The following ZNF567 variants were observed in gnomAD, a reference collection of about 807,000 sequenced individuals.
ZNF567 encodes zinc finger protein 567.
Under a neutral mutation model 53.9 loss-of-function variants are expected in ZNF567, and 36 were observed. The ratio of observed to expected loss-of-function variants is 0.67; its 90% CI spans 0.51 to 0.88. ZNF567 has a LOEUF of 0.88. ZNF567 is among the 40% of genes least tolerant of loss of function. ZNF567 has a pLI of 0.00. For synonymous variants in ZNF567, 224 were observed against 260.4 expected, an observed-to-expected ratio of 0.86 and a Z score of 1.35; for missense variants, 619 against 764.7, an observed-to-expected ratio of 0.81 and a Z score of 2.25.
chr19:36,719,332 C>T lies in ZNF567; in HGVS notation c.608C>T (p.Thr203Met), dbSNP rs370163168. The change falls in exon 6 of 6, where the codon ACG (threonine) becomes ATG (methionine). Residue 203 changes from threonine (T) to methionine (M), a missense_variant. Transcript: ENST00000682579. ...HNEVLMQYQK[T>M]ETPAQSFGYN... The stretch of plus-strand genomic sequence containing the variant: ...GAAGTTCTTATGCAGTATCAGAAAA[C>T]GGAAACTCCAGCACAGTCATTTGGA... 1.1e-4 allele frequency: 174 copies of T among 1,612,484 alleles called. 2 individuals carry two copies. Among genetic ancestry groups the T allele is most frequent in the African/African-American group, 4.9e-4 (37 of 74,876 alleles).
chr19:36,693,189 G>C (rs1040522384), intron 2 of ZNF567, among the ~76,000 whole-genome samples: 1 of 152,168 alleles, frequency 6.6e-6, no homozygotes, highest in African/African-American at 2.4e-5. Flanking sequence ...CCAGGAGGCT[G>C]AGATAGGAGG....
intron 3 of ZNF567, among the ~76,000 whole-genome samples, chr19:36,709,550 A>C (rs2039669225): frequency 6.6e-6 from 1 of 151,220 alleles, no homozygotes; most frequent in African/African-American, 2.4e-5. Flanking sequence ...GGCTGATCTC[A>C]AACTCCTGGC....
intron 5 of ZNF567, among the ~76,000 whole-genome samples, chr19:36,718,584 C>A (rs1231591499): frequency 6.6e-6 from 1 of 152,114 alleles, no homozygotes; most frequent in Non-Finnish European, 1.5e-5. Flanking sequence ...ACAAAGATTT[C>A]TGCTAATTTT....
chr19:36,677,786 A>C, the ZNF567 span, among the ~76,000 whole-genome samples: 13 of 152,266 alleles, frequency 8.5e-5, no homozygotes, highest in Non-Finnish European at 1.3e-4. Context: ...AATAAAATAA[A>C]AATTTTTAAA....
the ZNF567 span, among the ~76,000 whole-genome samples, chr19:36,670,329 A>T: frequency 6.6e-6 from 1 of 152,178 alleles, no homozygotes; most frequent in African/African-American, 2.4e-5. Context: ...GAGGGCTGTT[A>T]TGGTGGGAGA....
At chr19:36,670,476 A>G in the ZNF567 span, among the ~76,000 whole-genome samples, 4 of 152,162 alleles carry the variant, frequency 2.6e-5, no homozygotes, top group Admixed American at 1.3e-4. Flanking sequence ...CAACTTGCCT[A>G]TTTGGCCCTG....
intron 3 of ZNF567, among the ~76,000 whole-genome samples, chr19:36,698,234 TC>T (rs1393878542): frequency 6.6e-6 from 1 of 152,072 alleles, no homozygotes; most frequent in Non-Finnish European, 1.5e-5. Flanking sequence ...TTCATCCATG[TC>T]CCTACAAAGG....
chr19:36,719,456 A>G lies in ZNF567; in HGVS notation c.732A>G (p.Arg244=). ...ACCCATCTGTATATAATAAAAAAAG[A>G]AGAGCAACCAATATTGAAAAAAAAC... is the stretch of plus-strand genomic sequence containing the variant. ...GENPSVYNKK[R]RATNIEKKHT... The change falls in exon 6 of 6, where the codon AGA becomes AGG. Residue 244 remains arginine, a synonymous_variant. Transcript: ENST00000682579. The G allele has an allele frequency of 6.2e-7, 1 of 1,610,574 alleles. No homozygotes were observed. The highest frequency in any genetic ancestry group is 8.5e-7 in the Non-Finnish European group (1 of 1,179,274).
At chr19:36,724,166 C>T (rs2040325028), downstream of ZNF567, among the ~76,000 whole-genome samples, 1 of 151,578 alleles carries the variant, frequency 6.6e-6, no homozygotes, top group Middle Eastern at 3.2e-3. Context: ...TCCCCCATGC[C>T]TGGCTAATTT....
intron 3 of ZNF567, among the ~76,000 whole-genome samples, chr19:36,703,307 C>T (rs924415170): frequency 2.6e-5 from 4 of 151,962 alleles, no homozygotes; most frequent in Admixed American, 6.6e-5. Context: ...GAGGAGTACC[C>T]GGCCGTGTGA....
At chr19:36,692,782 C>A (rs1373907447) in intron 2 of ZNF567, among the ~76,000 whole-genome samples, 1 of 152,078 alleles carries the variant, frequency 6.6e-6, no homozygotes, top group African/African-American at 2.4e-5. Context: ...TTTTTGCAAG[C>A]TTCTGTGGAT....
intron 3 of ZNF567, among the ~76,000 whole-genome samples, chr19:36,707,882 A>G (rs1370162997): frequency 2.0e-5 from 3 of 151,898 alleles, no homozygotes; most frequent in African/African-American, 7.3e-5. Context: ...CCCGGCCTAT[A>G]ATAATCCTGT....
intron 2 of ZNF567, among the ~76,000 whole-genome samples, chr19:36,691,566 T>C (rs1232153307): frequency 1.3e-5 from 2 of 152,212 alleles, no homozygotes; most frequent in African/African-American, 4.8e-5. Context: ...TAAGCAAATG[T>C]ATATATTTGG....
intron 2 of ZNF567, among the ~76,000 whole-genome samples, chr19:36,694,518 TG>T (rs1269016059): frequency 3.3e-5 from 5 of 152,110 alleles, no homozygotes; most frequent in Non-Finnish European, 7.4e-5. Flanking sequence ...GAGAGCAGCT[TG>T]GAAGTAGTTA....
intron 5 of ZNF567, among the ~76,000 whole-genome samples, chr19:36,713,890 G>A (rs777953897): frequency 2.0e-5 from 3 of 149,870 alleles, no homozygotes; most frequent in Non-Finnish European, 3.0e-5. Flanking sequence ...AGCCAAGATC[G>A]TGCCATTGCA....
chr19:36,702,942 G>A (rs991372245), intron 3 of ZNF567, among the ~76,000 whole-genome samples: 20 of 152,256 alleles, frequency 1.3e-4, no homozygotes, highest in East Asian at 3.9e-4. Flanking sequence ...GTCATTCTCC[G>A]TCCAGCTTTG....
chr19:36,688,440 G>A (rs758963418), intron 1 of ZNF567, among the ~76,000 whole-genome samples: 3 of 152,058 alleles, frequency 2.0e-5, no homozygotes, highest in Non-Finnish European at 4.4e-5. Context: ...CTGGTAATTA[G>A]ACAAGTAAAA....
rs2038481834 is a variant in ZNF567, at chr19:36,689,499, TAAGTCA to T, written c.-67+3_-67+8del. 6.6e-6 allele frequency: 1 copy of T among 152,076 alleles called. No individual in the cohort carries two copies. The highest frequency in any genetic ancestry group is 6.5e-5 in the Admixed American group (1 of 15,268). 9.4% of individuals were successfully genotyped at this position (152,076 alleles called of 1,614,324 possible). A position where few individuals can be genotyped will look rare whatever the true frequency, so the allele number is the denominator to read the frequency against. On this transcript the variant is annotated splice_donor_5th_base_variant and intron_variant, in intron 2 of 5. Transcript: ENST00000682579. ...TGACTGATACCACTATAATTTAGTG[TAAGTCA>T]TCTCTTACCTTCCAAGAGAACCTGC... is the stretch of plus-strand genomic sequence containing the variant.
At chr19:36,718,161 G>T (rs13345382) in intron 5 of ZNF567, among the ~76,000 whole-genome samples, 6,168 of 152,224 alleles carry the variant, frequency 0.041, 421 homozygotes, top group African/African-American at 0.14. Context: ...GGGTTGAACA[G>T]CTGGAAGTGT....
Sources: allele counts gnomAD v4.1 joint callset (sites outside exome capture counted in the v4.1 genomes callset), GRCh38; gene constraint gnomAD v4.1.1; transcripts MANE v1.5; gene names NCBI Gene and HGNC (gene_info 2026-07-23, HGNC 2026-07-21).